GLIPR1: variants seen among roughly 807,000 people sequenced by gnomAD.
GLIPR1 encodes glioma pathogenesis-related protein 1.
GLIPR1 carries 38 observed loss-of-function variants against 30.3 expected under a neutral mutation model. The ratio of observed to expected loss-of-function variants is 1.26; its 90% CI spans 0.97 to 1.65. GLIPR1 has a LOEUF of 1.65. Among genes scored for constraint, GLIPR1 ranks in the 40% most tolerant of loss-of-function variants. GLIPR1 has a pLI of 0.00. For missense variants in GLIPR1, 285 were observed against 326.5 expected, an observed-to-expected ratio of 0.87 and a Z score of 0.98; for synonymous variants, 122 against 110.6, an observed-to-expected ratio of 1.10 and a Z score of -0.65.
chr12:75,501,563 A>C lies in GLIPR1; in HGVS notation c.*2585A>C, dbSNP rs978599230. On this transcript the variant is annotated 3_prime_UTR_variant, in exon 6 of 6. Coordinates refer to ENST00000266659, the MANE Select transcript of GLIPR1 (RefSeq NM_006851.3). ...TAGGCATTAGCTGCCTCTAAATTAT[A>C]AATTATCTCAGCCATCCCTTGTCCT... 1.0e-5 allele frequency: 6 copies of C among 589,258 alleles called. No individual in the cohort carries two copies. Among genetic ancestry groups the C allele is most frequent in the African/African-American group, 7.5e-5 (4 of 53,508 alleles). 36.5% of individuals were successfully genotyped at this position (589,258 alleles called of 1,614,324 possible).
Position 75,500,747 on chromosome 12 carries a change from A to T in GLIPR1, c.*1769A>T, listed in dbSNP as rs1410212473. 6.6e-6 allele frequency: 1 copy of T among 152,046 alleles called. No homozygotes were observed. 9.4% of individuals were successfully genotyped at this position (152,046 alleles called of 1,614,324 possible). ...TTCAAAGTACAGGATCACAGCATAA[A>T]AGAATCATAAGATAAAACATCAAAC... On this transcript the variant is annotated 3_prime_UTR_variant, in exon 6 of 6. Coordinates refer to ENST00000266659, the MANE Select transcript of GLIPR1 (RefSeq NM_006851.3).
rs1204885654 is a variant in GLIPR1 at position 75,498,840 on chromosome 12, A to T, written c.663A>T (p.Val221=). The change falls in exon 6 of 6, where the codon GTA becomes GTT. Residue 221 remains valine, a synonymous_variant. Transcript: ENST00000266659. Reference sequence around the variant, plus strand: ...GTTTCACAGGTTACTACTCTGTTGTATATCCAGGCTGGCCCATATATCCAC... The same window carrying T: ...GTTTCACAGGTTACTACTCTGTTGTTTATCCAGGCTGGCCCATATATCCAC... ...RDQVKRYYSV[V]YPGWPIYPRN... The T allele has an allele frequency of 1.2e-6, 2 of 1,612,516 alleles. No individual in the cohort carries two copies. Among genetic ancestry groups the T allele is most frequent in the African/African-American group, 2.7e-5 (2 of 74,856 alleles).
At position 75,498,555 on chromosome 12, in the gene GLIPR1, A is replaced by ATAAT. The variant is rs1555240427; in HGVS notation, c.620-135_620-132dup. 4 of 643,628 alleles carry ATAAT rather than the reference A, an allele frequency of 6.2e-6. No homozygotes were observed. In the African/African-American group the frequency reaches 7.3e-5, roughly 12 times the overall value. The allele number at this position is 643,628 out of a possible 1,614,324, so 39.9% of individuals were successfully genotyped here. ...ATTCAGTCAGTTCAAAAAGTTTTGA[A>ATAAT]TAATTAAACTTGGAAAGTCACTGCA... On this transcript the variant is annotated intron_variant, in intron 4 of 5. Coordinates refer to ENST00000266659, the MANE Select transcript of GLIPR1 (RefSeq NM_006851.3).
At chr12:75,490,765 T>C in intron 3 of GLIPR1, 1 of 315,774 alleles carries the variant, frequency 3.2e-6, no homozygotes, top group Admixed American at 4.6e-5. Context: ...ATATACTACC[T>C]AAATACATAC....
rs754131332 is a variant in GLIPR1, at chr12:75,482,005, A to T, written c.346A>T (p.Asn116Tyr). The part of the protein sequence containing the change: ...PIFSVSSAIT[N>Y]WYDEIQDYDF... Reference sequence around the variant, plus strand: ...TTTTTCTGTGTCTTCCGCCATCACAAACTGGTATGACGAAATCCAGGACTA... The same window carrying T: ...TTTTTCTGTGTCTTCCGCCATCACATACTGGTATGACGAAATCCAGGACTA... The change falls in exon 2 of 6, where the codon AAC becomes TAC. Residue 116 changes from asparagine (N) to tyrosine (Y), a missense_variant. Coordinates refer to ENST00000266659, the MANE Select transcript of GLIPR1 (RefSeq NM_006851.3). The T allele has an allele frequency of 6.2e-7, 1 of 1,614,054 alleles. No homozygotes were observed. The highest frequency in any genetic ancestry group is 1.1e-5 in the South Asian group (1 of 91,074).
At chr12:75,489,297 C>T (rs1407664744) in intron 2 of GLIPR1, among the ~76,000 whole-genome samples, 2 of 152,148 alleles carry the variant, frequency 1.3e-5, no homozygotes, top group African/African-American at 4.8e-5. Flanking sequence ...TCTTGGTTTC[C>T]CTCCTACATC....
chr12:75,500,023 A>G lies in GLIPR1; in HGVS notation c.*1045A>G. ...AAGTAAAACAAAGAATATATGTTTA[A>G]CAAAGAATATATGTTTAAGGCAGTT... is the stretch of plus-strand genomic sequence containing the variant. On this transcript the variant is annotated 3_prime_UTR_variant, in exon 6 of 6. Transcript: ENST00000266659. 1 of 1,215,738 alleles carries G rather than the reference A, an allele frequency of 8.2e-7. No homozygotes were observed. Among genetic ancestry groups the G allele is most frequent in the Non-Finnish European group, 1.1e-6 (1 of 870,790 alleles). The allele number at this position is 1,215,738 out of a possible 1,614,324, so 75.3% of individuals were successfully genotyped here.
chr12:75,486,399 G>A (rs993119493), intron 2 of GLIPR1, among the ~76,000 whole-genome samples: 3 of 152,154 alleles, frequency 2.0e-5, no homozygotes, highest in Non-Finnish European at 4.4e-5. Context: ...TTTGCTGAGT[G>A]CTTGCTATGT....
At chr12:75,495,888 AC>A in intron 4 of GLIPR1, 2 of 318,674 alleles carry the variant, frequency 6.3e-6, no homozygotes, top group Non-Finnish European at 1.1e-5. Context: ...AACAACAACA[AC>A]AAAAAAAACT....
At chr12:75,498,555 A>ATAATT (rs535512860) in intron 4 of GLIPR1, 139 bp from the exon 5 acceptor site, 1 of 643,510 alleles carries the variant, frequency 1.6e-6, no homozygotes, top group East Asian at 2.7e-5. Flanking sequence ...AAAGTTTTGA[A>ATAATT]TAATTAAACT....
chr12:75,495,697 A>C lies in GLIPR1; in HGVS notation c.619+35A>C, dbSNP rs202112160. The stretch of plus-strand genomic sequence containing the variant: ...AGGAACAATACACCAATAGAATAAC[A>C]TAATAGTAACATGTAACTTTCTACA... On this transcript the variant is annotated intron_variant, in intron 4 of 5. Coordinates refer to ENST00000266659, the MANE Select transcript of GLIPR1 (RefSeq NM_006851.3). The C allele has an allele frequency of 1.6e-5, 18 of 1,154,228 alleles. No individual in the cohort carries two copies. In the African/African-American group the frequency reaches 1.7e-4, roughly 11 times the overall value. The allele number at this position is 1,154,228 out of a possible 1,614,324, so 71.5% of individuals were successfully genotyped here.
intron 1 of GLIPR1, 113 bp downstream of exon 1, chr12:75,481,167 A>G: frequency 1.4e-6 from 1 of 723,484 alleles, no homozygotes; most frequent in South Asian, 2.0e-5. Flanking sequence ...ATTGTGATTA[A>G]TGTATGCAGT....
chr12:75,501,622 T>C lies in GLIPR1; in HGVS notation c.*2644T>C, dbSNP rs2046394534. On this transcript the variant is annotated 3_prime_UTR_variant, in exon 6 of 6. Transcript: ENST00000266659. ...GTAATTAATGAAATGCTAAGAGAAC[T>C]GATGAAAAGATACAACTGTTTCTTA... The C allele has an allele frequency of 9.5e-6, 7 of 739,140 alleles. No individual in the cohort carries two copies. Among genetic ancestry groups the C allele is most frequent in the Non-Finnish European group, 1.6e-5 (7 of 445,170 alleles). 45.8% of individuals were successfully genotyped at this position (739,140 alleles called of 1,614,324 possible).
At chr12:75,485,928 C>T (rs957121208) in intron 2 of GLIPR1, among the ~76,000 whole-genome samples, 1 of 151,950 alleles carries the variant, frequency 6.6e-6, no homozygotes. Flanking sequence ...GAGCTCATAC[C>T]GAGAATTGAA....
chr12:75,489,302 T>A (rs1327805982), intron 2 of GLIPR1, among the ~76,000 whole-genome samples: 10 of 152,220 alleles, frequency 6.6e-5, no homozygotes, highest in Admixed American at 3.9e-4. Context: ...GTTTCCCTCC[T>A]ACATCACTGA....
chr12:75,499,569 T>TTAATGGA lies in GLIPR1; in HGVS notation c.*596_*602dup, dbSNP rs2046375799. Reference sequence around the variant, plus strand: ...TAACCAATAGCATCAGACACTGGATTTAATGGATAATCACAATGGTCGTAA... The same window carrying TTAATGGA: ...TAACCAATAGCATCAGACACTGGATTTAATGGATAATGGATAATCACAATGGTCGTAA... On this transcript the variant is annotated 3_prime_UTR_variant, in exon 6 of 6. Coordinates refer to ENST00000266659, the MANE Select transcript of GLIPR1 (RefSeq NM_006851.3). The TTAATGGA allele has an allele frequency of 4.1e-6, 1 of 243,806 alleles. No homozygotes were observed. The allele number at this position is 243,806 out of a possible 1,614,324, so 15.1% of individuals were successfully genotyped here.
intron 2 of GLIPR1, among the ~76,000 whole-genome samples, chr12:75,485,076 T>C (rs999387023): frequency 1.1e-4 from 17 of 152,356 alleles, no homozygotes; most frequent in African/African-American, 3.8e-4. Flanking sequence ...AACTACTCAA[T>C]TGCTGTGTTA....
chr12:75,483,723 A>T (rs1178565171), intron 2 of GLIPR1: 1 of 152,220 alleles, frequency 6.6e-6, no homozygotes, highest in East Asian at 1.9e-4. Flanking sequence ...ACACTGCTGG[A>T]GACATGTGAA....
intron 2 of GLIPR1, among the ~76,000 whole-genome samples, chr12:75,486,512 TG>T (rs1382415795): frequency 6.6e-6 from 1 of 152,164 alleles, no homozygotes; most frequent in Non-Finnish European, 1.5e-5. Flanking sequence ...ACACTGTAAG[TG>T]GCAAAGCTTG....
Sources: gnomAD v4.1 joint callset for allele counts (sites outside exome capture counted in the v4.1 genomes callset) on GRCh38, gnomAD v4.1.1 for gene constraint, MANE v1.5 for transcripts, NCBI Gene and HGNC (gene_info 2026-07-23, HGNC 2026-07-21) for gene names.